The following LAMA4 variants were observed in gnomAD, a reference collection of about 807,000 sequenced individuals.
LAMA4 encodes laminin subunit alpha 4, also known as laminin subunit alpha-4.
In LAMA4, 127 loss-of-function variants were observed where a neutral mutation model predicts 207.1. That is an observed-to-expected ratio of 0.61 (90% CI 0.53 to 0.71). LAMA4 has a LOEUF of 0.71. LAMA4 is among the 30% of genes least tolerant of loss of function. LAMA4 has a pLI of 0.00. For missense variants in LAMA4, 2,093 were observed against 2,246.5 expected (o/e 0.93, Z 1.38); for synonymous variants, 761 against 816.0 (o/e 0.93, Z 1.15).
rs541505230 is a variant in LAMA4, at chr6:112,155,250, T to C, written c.1960-303A>G. The C allele has an allele frequency of 5.5e-5, 31 of 561,430 alleles. No homozygotes were observed. The East Asian group carries it at 8.8e-4, about 16-fold the overall frequency. 34.8% of individuals were successfully genotyped at this position (561,430 alleles called of 1,614,324 possible). On this transcript the variant is annotated intron_variant, in intron 15 of 38. Coordinates refer to ENST00000230538, the MANE Select transcript of LAMA4 (RefSeq NM_001105206.3). Reference sequence around the variant, plus strand: ...ATAAATAATTTTGAGTTGAAAAAAATATAAATGAATGCATAAAGTATCTTC... The same window carrying C: ...ATAAATAATTTTGAGTTGAAAAAAACATAAATGAATGCATAAAGTATCTTC...
intron 2 of LAMA4, among the ~76,000 whole-genome samples, chr6:112,231,107 C>T (rs1331896163): frequency 6.6e-6 from 1 of 152,212 alleles, no homozygotes; most frequent in Non-Finnish European, 1.5e-5. Flanking sequence ...CTCTGCCTTT[C>T]CCTGGAATAC....
At chr6:112,209,412 A>G (rs1232636551) in intron 3 of LAMA4, among the ~76,000 whole-genome samples, 2 of 152,148 alleles carry the variant, frequency 1.3e-5, no homozygotes, top group African/African-American at 4.8e-5. Context: ...GTGACCCTCA[A>G]AAGCAAAGCC....
chr6:112,215,510 C>T (rs1554358308), intron 3 of LAMA4, among the ~76,000 whole-genome samples: 1 of 139,790 alleles, frequency 7.2e-6, no homozygotes, highest in Non-Finnish European at 1.5e-5. Flanking sequence ...CAAAAATACT[C>T]TTGTAGTTTT....
chr6:112,206,948 A>G (rs1784089430), intron 4 of LAMA4, 73 bp downstream of exon 4: 1 of 1,464,800 alleles, frequency 6.8e-7, no homozygotes, highest in African/African-American at 1.4e-5. Flanking sequence ...GGGATAAGGC[A>G]AAACAAAACA....
At chr6:112,156,183 G>T (rs781803627) in intron 14 of LAMA4, among the ~76,000 whole-genome samples, 71 of 152,134 alleles carry the variant, frequency 4.7e-4, no homozygotes, top group African/African-American at 1.5e-3. Flanking sequence ...TGGGCCTCAG[G>T]AGTGAGACAG....
intron 26 of LAMA4, 36 bp downstream of exon 26, chr6:112,134,430 TG>T: frequency 6.2e-7 from 1 of 1,610,306 alleles, no homozygotes; most frequent in Non-Finnish European, 8.5e-7. Context: ...CCCAGTACAT[TG>T]CTAGGAACAA....
chr6:112,207,689 G>A (rs551600599), intron 3 of LAMA4, among the ~76,000 whole-genome samples: 5 of 152,236 alleles, frequency 3.3e-5, no homozygotes, highest in Admixed American at 3.3e-4. Flanking sequence ...ATCTTGGATA[G>A]TGACATAGAA....
In LAMA4 at chr6:112,216,367, C is replaced by A. The variant is rs559662859; in HGVS notation, c.297+1G>T. ...GAAGTGTTATAGGTGCCCCAACTTA[C>A]CACACAGTATCCTGAGCCGTCCAAA... On this transcript the variant is annotated splice_donor_variant, in intron 3 of 38. Transcript: ENST00000230538. LOFTEE classifies it high-confidence loss of function. The A allele has an allele frequency of 5.2e-5, 84 of 1,602,444 alleles. No individual in the cohort carries two copies. The South Asian group carries it at 9.1e-4, about 17-fold the overall frequency.
At position 112,142,102 on chromosome 6, in the gene LAMA4, CAA is replaced by C; in HGVS notation, c.2667+15_2667+16del. On this transcript the variant is annotated intron_variant, in intron 20 of 38. Coordinates refer to ENST00000230538, the MANE Select transcript of LAMA4 (RefSeq NM_001105206.3). ...CCTTGTAAATATTATTCCCTCCTTTCAAACTCATGTGCTTACGTTTTTGCTTC... is the reference window on the plus strand; with the variant it reads ...CCTTGTAAATATTATTCCCTCCTTTCACTCATGTGCTTACGTTTTTGCTTC... The C allele has an allele frequency of 6.2e-7, 1 of 1,613,886 alleles. No individual in the cohort carries two copies. Among genetic ancestry groups the C allele is most frequent in the Non-Finnish European group, 8.5e-7 (1 of 1,179,806 alleles).
chr6:112,130,897 A>C, intron 29 of LAMA4, 71 bp downstream of exon 29: 1 of 1,505,498 alleles, frequency 6.6e-7, no homozygotes, highest in Non-Finnish European at 9.2e-7. Context: ...CCTATTATTC[A>C]TAGTGGTTTT....
chr6:112,229,433 C>T (rs921946211), intron 2 of LAMA4, among the ~76,000 whole-genome samples: 1 of 152,182 alleles, frequency 6.6e-6, no homozygotes, highest in Admixed American at 6.5e-5. Context: ...CTCAACTTTC[C>T]ATTTCAAAAA....
intron 24 of LAMA4, 44 bp downstream of exon 24, chr6:112,139,076 A>G (rs1554332283): frequency 2.5e-6 from 4 of 1,578,894 alleles, no homozygotes. Context: ...AGCAGAAAGT[A>G]AAGGAAATAA....
At chr6:112,223,658 A>G (rs1785044200) in intron 2 of LAMA4, among the ~76,000 whole-genome samples, 1 of 152,164 alleles carries the variant, frequency 6.6e-6, no homozygotes, top group African/African-American at 2.4e-5. Context: ...TTGCTGGTAG[A>G]TGACCCTGCT....
chr6:112,189,487 T>A (rs1782888849), intron 6 of LAMA4, among the ~76,000 whole-genome samples: 1 of 152,196 alleles, frequency 6.6e-6, no homozygotes, highest in Non-Finnish European at 1.5e-5. Context: ...GACATGACAG[T>A]GCAATTGCTT....
rs1778063108 is a variant in LAMA4, at chr6:112,117,083, T to A, written c.4981+656A>T. On this transcript the variant is annotated intron_variant, in intron 35 of 38. Coordinates refer to ENST00000230538, the MANE Select transcript of LAMA4 (RefSeq NM_001105206.3). The surrounding 1 kb of genome is among the most constrained non-coding windows in gnomAD (Gnocchi z 4.5). ...ACATGCAGCTTTATACCCTTTCCTA[T>A]CCTAATTCCGGGCACTTATTCTGGT... Among the ~76,000 whole-genome samples, 1 of 152,198 alleles carries A rather than the reference T, an allele frequency of 6.6e-6. No homozygotes were observed. The highest frequency in any genetic ancestry group is 1.5e-5 in the Non-Finnish European group (1 of 68,026).
At chr6:112,165,707 G>A (rs530039045) in intron 12 of LAMA4, among the ~76,000 whole-genome samples, 9 of 152,132 alleles carry the variant, frequency 5.9e-5, no homozygotes, top group Non-Finnish European at 1.2e-4. Flanking sequence ...CATTTGGACA[G>A]GAACAGAGAA....
intron 12 of LAMA4, among the ~76,000 whole-genome samples, chr6:112,170,240 A>T (rs181385504): frequency 6.6e-6 from 1 of 152,176 alleles, no homozygotes; most frequent in Non-Finnish European, 1.5e-5. Flanking sequence ...AGCAATAAAC[A>T]TTACTCCCTG....
rs781801688 is a variant in LAMA4, at chr6:112,117,334, G to A, written c.4981+405C>T. On this transcript the variant is annotated intron_variant, in intron 35 of 38. Coordinates refer to ENST00000230538, the MANE Select transcript of LAMA4 (RefSeq NM_001105206.3). This position sits in a 1 kb window ranked among gnomAD's most constrained non-coding sequence, Gnocchi z 4.5. ...GAAATAAAAATTTCTGAAGGATAAC[G>A]TTGTCTGCTGGTGTTGCAAGTCATG... 2.0e-5 allele frequency among the ~76,000 whole-genome samples: 3 copies of A among 152,070 alleles called. No individual in the cohort carries two copies. Among genetic ancestry groups the A allele is most frequent in the Non-Finnish European group, 4.4e-5 (3 of 68,020 alleles).
intron 10 of LAMA4, among the ~76,000 whole-genome samples, chr6:112,177,761 G>A (rs1554344278): frequency 6.6e-6 from 1 of 152,146 alleles, no homozygotes; most frequent in South Asian, 2.1e-4. Context: ...CATTCTAAAA[G>A]CAATGTTTTC....
Sources: gnomAD v4.1 joint callset for allele counts (sites outside exome capture counted in the v4.1 genomes callset) on GRCh38, gnomAD v4.1.1 for gene constraint, Gnocchi (gnomAD v3.1) non-coding constraint, MANE v1.5 for transcripts, NCBI Gene and HGNC (gene_info 2026-07-23, HGNC 2026-07-21) for gene names.